Variants in FOXJ2 observed in about 807,000 individuals in gnomAD.
FOXJ2 encodes forkhead box J2.
A neutral mutation model predicts 68.4 loss-of-function variants in FOXJ2; 18 were observed. The ratio of observed to expected loss-of-function variants is 0.26; its 90% CI spans 0.18 to 0.39. The LOEUF is 0.39. FOXJ2 is among the 10% of genes least tolerant of loss of function. FOXJ2 has a pLI of 1.00. For missense variants in FOXJ2, 670 were observed against 726.5 expected, an observed-to-expected ratio of 0.92 and a Z score of 0.89; for synonymous variants, 274 against 263.2, an observed-to-expected ratio of 1.04 and a Z score of -0.40.
chr12:8,049,682 T>C (rs933589375), intron 9 of FOXJ2, 111 bp downstream of exon 9: 1 of 959,936 alleles, frequency 1.0e-6, no homozygotes, highest in African/African-American at 1.6e-5. Context: ...GTGACCCAAA[T>C]TGAGCAGTGG....
At chr12:8,052,159 C>T (rs1022753242) in intron 10 of FOXJ2, among the ~76,000 whole-genome samples, 6 of 152,066 alleles carry the variant, frequency 3.9e-5, no homozygotes, top group East Asian at 1.9e-4. Context: ...TGAGCCACCA[C>T]GCCCAGCCAT....
intron 1 of FOXJ2, 114 bp from the exon 2 acceptor site, chr12:8,039,705 G>A (rs1946939545): frequency 1.0e-5 from 9 of 882,554 alleles, no homozygotes; most frequent in African/African-American, 3.4e-5. Flanking sequence ...GGAAGGCCAT[G>A]CCATGGGTGT....
rs1279727132 is a variant in FOXJ2, at chr12:8,050,739, C to G, written c.1636+119C>G. ...CTGCATCTCGCTGGAGGGAATGAGC[C>G]TTTATAATTCCCAAGGCTGGAGGAT... On this transcript the variant is annotated intron_variant, in intron 10 of 10. Transcript: ENST00000162391. 3.5e-6 allele frequency: 4 copies of G among 1,139,556 alleles called. No individual in the cohort carries two copies. The East Asian group carries it at 9.9e-5, about 28-fold the overall frequency. 70.6% of individuals were successfully genotyped at this position (1,139,556 alleles called of 1,614,324 possible). A position where few individuals can be genotyped will look rare whatever the true frequency, so the allele number is the denominator to read the frequency against.
At chr12:8,043,470 C>T (rs774128567) in intron 3 of FOXJ2, among the ~76,000 whole-genome samples, 1 of 151,796 alleles carries the variant, frequency 6.6e-6, no homozygotes, top group South Asian at 2.1e-4. Context: ...CAAGTTTTGC[C>T]TCAGGTCAGA....
At chr12:8,036,050 C>CT (rs1244095837) in intron 1 of FOXJ2, among the ~76,000 whole-genome samples, 2 of 152,184 alleles carry the variant, frequency 1.3e-5, no homozygotes, top group Non-Finnish European at 2.9e-5. Context: ...CTAGTATTCT[C>CT]TTTTTTCCCC....
intron 2 of FOXJ2, among the ~76,000 whole-genome samples, chr12:8,041,455 G>C (rs1365241671): frequency 6.6e-6 from 1 of 151,388 alleles, no homozygotes; most frequent in Non-Finnish European, 1.5e-5. Flanking sequence ...TCCACCTCCT[G>C]CCTCAGCCTC....
chr12:8,044,156 T>G, intron 5 of FOXJ2, 65 bp downstream of exon 5: 1 of 1,431,224 alleles, frequency 7.0e-7, no homozygotes, highest in Admixed American at 2.6e-5. Context: ...TCTCCCTGTT[T>G]ATTCAGAATT....
chr12:8,052,936 C>G lies in FOXJ2; in HGVS notation c.*86C>G. 4.0e-6 allele frequency: 4 copies of G among 1,010,164 alleles called. No homozygotes were observed. Among genetic ancestry groups the G allele is most frequent in the Non-Finnish European group, 6.1e-6 (4 of 659,536 alleles). 62.6% of individuals were successfully genotyped at this position (1,010,164 alleles called of 1,614,324 possible). ...GAGCAACCCCAGCCCGTCCCTTCCC[C>G]CCGTCTGTATATAGACATATATCCT... On this transcript the variant is annotated 3_prime_UTR_variant, in exon 11 of 11. Transcript: ENST00000162391.
At position 8,040,305 on chromosome 12, in the gene FOXJ2, C is replaced by A; in HGVS notation, c.333+140C>A. 1.1e-6 allele frequency: 1 copy of A among 877,750 alleles called. No homozygotes were observed. The highest frequency in any genetic ancestry group is 1.7e-6 in the Non-Finnish European group (1 of 587,836). 54.4% of individuals were successfully genotyped at this position (877,750 alleles called of 1,614,324 possible). A position where few individuals can be genotyped will look rare whatever the true frequency, so the allele number is the denominator to read the frequency against. On this transcript the variant is annotated intron_variant, in intron 2 of 10. Transcript: ENST00000162391. The surrounding 1 kb of genome is among the most constrained non-coding windows in gnomAD (Gnocchi z 4.0). ...GTGAAAACTTAAAATCTCATATGTT[C>A]TGCCCTCTACTTTTTTTTCAGAGTT...
chr12:8,051,651 T>G (rs1435561225), intron 10 of FOXJ2, among the ~76,000 whole-genome samples: 7 of 152,228 alleles, frequency 4.6e-5, no homozygotes, highest in South Asian at 2.1e-4. Flanking sequence ...GACTGAAGTA[T>G]CTCTGATAGT....
intron 6 of FOXJ2, among the ~76,000 whole-genome samples, chr12:8,045,708 A>AGAG (rs1399796235): frequency 6.6e-6 from 1 of 151,152 alleles, no homozygotes; most frequent in Non-Finnish European, 1.5e-5. Context: ...CTCAGGCTAG[A>AGAG]GAGCAGTGTC....
intron 2 of FOXJ2, among the ~76,000 whole-genome samples, chr12:8,041,219 G>A (rs1946959310): frequency 6.6e-6 from 1 of 151,492 alleles, no homozygotes. Flanking sequence ...TTTTGTGGGG[G>A]TGGGGGACAG....
At chr12:8,041,879 A>ATTT (rs112462519) in intron 2 of FOXJ2, among the ~76,000 whole-genome samples, 1 of 135,996 alleles carries the variant, frequency 7.4e-6, no homozygotes, top group Non-Finnish European at 1.6e-5. Context: ...CAACACACAC[A>ATTT]TTTTTTTTTT....
chr12:8,035,201 GT>G lies in FOXJ2; in HGVS notation c.-15+1369del, dbSNP rs1394034998. The stretch of plus-strand genomic sequence containing the variant: ...GTGGCTCTCTGTTTCAAGTGGGTAT[GT>G]GTGTGGAGACAGGTACTTATGTGCT... On this transcript the variant is annotated intron_variant, in intron 1 of 10. Coordinates refer to ENST00000162391, the MANE Select transcript of FOXJ2 (RefSeq NM_018416.3). The surrounding 1 kb of genome is among the most constrained non-coding windows in gnomAD (Gnocchi z 4.0). Among the ~76,000 whole-genome samples the G allele has an allele frequency of 3.3e-5, 5 of 152,200 alleles. No homozygotes were observed. The highest frequency in any genetic ancestry group is 4.8e-5 in the African/African-American group (2 of 41,452).
chr12:8,052,113 C>T (rs1947133513), intron 10 of FOXJ2, among the ~76,000 whole-genome samples: 1 of 152,096 alleles, frequency 6.6e-6, no homozygotes, highest in African/African-American at 2.4e-5. Flanking sequence ...AGTGATCCAC[C>T]CATCTCGGCC....
chr12:8,043,993 C>A lies in FOXJ2; in HGVS notation c.520C>A (p.Arg174=), dbSNP rs199820036. The A allele has an allele frequency of 6.3e-7, 1 of 1,579,564 alleles. No homozygotes were observed. The highest frequency in any genetic ancestry group is 1.9e-5 in the Admixed American group (1 of 52,600). The change falls in exon 5 of 11, where the codon CGG becomes AGG. Residue 174 remains arginine, a synonymous_variant. Coordinates refer to ENST00000162391, the MANE Select transcript of FOXJ2 (RefSeq NM_018416.3). The stretch of plus-strand genomic sequence containing the variant: ...AGAACAGGAGGCAAGCAAGAGCCCA[C>A]GGGGAGGCGTTGCAGGGAGTGGAGA... ...SPEQEASKSP[R]GGVAGSGEAS... is the part of the protein sequence containing the mutation.
At chr12:8,052,714 C>CAGCTTCCCATCCACTCTCCTTTT in intron 10 of FOXJ2, 48 bp from the exon 11 acceptor site, 6 of 1,492,760 alleles carry the variant, frequency 4.0e-6, no homozygotes, top group Non-Finnish European at 5.5e-6. Context: ...ATTGAGGGAA[C>CAGCTTCCCATCCACTCTCCTTTT]AGCTTCCCAT....
In FOXJ2 at chr12:8,041,879, A is replaced by AT. The variant is rs112462519; in HGVS notation, c.334-764dup. On this transcript the variant is annotated intron_variant, in intron 2 of 10. Coordinates refer to ENST00000162391, the MANE Select transcript of FOXJ2 (RefSeq NM_018416.3). ...ATCCCCAATCCCACCCAACACACAC[A>AT]TTTTTTTTTTTTTTTGAGACGGAGT... Among the ~76,000 whole-genome samples, 793 of 135,970 alleles carry AT rather than the reference A, an allele frequency of 5.8e-3. 5 individuals are homozygous for AT. Among genetic ancestry groups the AT allele is most frequent in the African/African-American group, 0.015 (539 of 37,124 alleles). The allele number at this position is 135,970 out of a possible 152,430, so 89.2% of individuals were successfully genotyped here. A position where few individuals can be genotyped will look rare whatever the true frequency, so the allele number is the denominator to read the frequency against.
rs1385369475 is a variant in FOXJ2 at position 8,033,337 on chromosome 12, T to C, written c.-511T>C. The C allele has an allele frequency of 1.9e-5, 3 of 154,806 alleles. No individual in the cohort carries two copies. The highest frequency in any genetic ancestry group is 4.3e-5 in the Non-Finnish European group (3 of 69,730). The allele number at this position is 154,806 out of a possible 1,614,324, so 9.6% of individuals were successfully genotyped here. On this transcript the variant is annotated 5_prime_UTR_variant, in exon 1 of 11. Transcript: ENST00000162391. ...TTCACAGGAGACAGGAGTCCTTACG[T>C]TCAGAAGCCACTCCAGGGAAAGAAG...
Sources: allele counts gnomAD v4.1 joint callset (sites outside exome capture counted in the v4.1 genomes callset), GRCh38; gene constraint gnomAD v4.1.1; non-coding constraint Gnocchi (gnomAD v3.1); transcripts MANE v1.5; gene names NCBI Gene and HGNC (gene_info 2026-07-23, HGNC 2026-07-21).